Variants in ASXL3 observed in about 807,000 individuals in gnomAD.
ASXL3 encodes the protein ASXL transcriptional regulator 3, also known as putative Polycomb group protein ASXL3.
Under a neutral mutation model 170.6 loss-of-function variants are expected in ASXL3, and 34 were observed. That is an observed-to-expected ratio of 0.20 (90% confidence interval 0.15 to 0.27). ASXL3 has a LOEUF of 0.27. Ranked by LOEUF, ASXL3 falls within the 10% of genes least tolerant of loss-of-function variation. ASXL3 has a pLI of 1.00. For synonymous variants in ASXL3, 1,002 were observed against 989.1 expected, an observed-to-expected ratio of 1.01 and a Z score of -0.24; for missense variants, 2,592 against 2,695.3, an observed-to-expected ratio of 0.96 and a Z score of 0.85.
chr18:33,744,466 A>G lies in ASXL3; in HGVS notation c.4618A>G (p.Ile1540Val), dbSNP rs777238321. 2.5e-6 allele frequency: 4 copies of G among 1,613,420 alleles called. No homozygotes were observed. Among genetic ancestry groups the G allele is most frequent in the East Asian group, 2.2e-5 (1 of 44,852 alleles). ...AGGTATAGATCACAGTTCCACTTTC[A>G]TTGCTGCTTCGGCAGCAAAACAAGA... Reference protein sequence around the residue: ...NEGIDHSSTFIAASAAKQDSK... With the variant: ...NEGIDHSSTFVAASAAKQDSK... The change falls in exon 12 of 12, where the codon ATT becomes GTT. Residue 1540 changes from isoleucine (I) to valine (V), a missense_variant. This residue lies in a region of ASXL3 where 2,246 missense variants were observed against 2,219.6 expected (regional missense o/e 1.01). Transcript: ENST00000269197.
chr18:33,606,658 G>A (rs527523904), intron 1 of ASXL3, among the ~76,000 whole-genome samples: 3 of 152,012 alleles, frequency 2.0e-5, no homozygotes, highest in Admixed American at 1.3e-4. Flanking sequence ...GTTACAAGAG[G>A]CCATGACTTG....
chr18:33,710,291 G>C (rs1222748730), intron 8 of ASXL3, among the ~76,000 whole-genome samples: 1 of 152,014 alleles, frequency 6.6e-6, no homozygotes, highest in African/African-American at 2.4e-5. Context: ...AAACTGACTG[G>C]TGGTCATTGA....
Position 33,745,170 on chromosome 18 carries a change from A to G in ASXL3, c.5322A>G (p.Glu1774=), listed in dbSNP as rs769506474. 2 of 1,613,998 alleles carry G rather than the reference A, an allele frequency of 1.2e-6. No homozygotes were observed. Among genetic ancestry groups the G allele is most frequent in the Non-Finnish European group, 1.7e-6 (2 of 1,179,894 alleles). Residue 1774 remains glutamate (E), a synonymous_variant, in exon 12 of 12, where the codon GAA becomes GAG. Coordinates refer to ENST00000269197, the MANE Select transcript of ASXL3 (RefSeq NM_030632.3). The part of the protein sequence containing the change: ...LPQPRLGAKL[E]INRLPLPLQT... ...AGCCCAGATTGGGAGCCAAGCTTGA[A>G]ATCAACAGGCTTCCATTGCCTCTTC...
intron 7 of ASXL3, 90 bp from the exon 8 acceptor site, chr18:33,683,315 A>G: frequency 8.9e-7 from 1 of 1,125,770 alleles, no homozygotes; most frequent in Non-Finnish European, 1.2e-6. Flanking sequence ...ATACATGTTC[A>G]CTAGATATAT....
chr18:33,733,398 T>A (rs1393591469), intron 9 of ASXL3, among the ~76,000 whole-genome samples: 1 of 152,220 alleles, frequency 6.6e-6, no homozygotes, highest in East Asian at 1.9e-4. Context: ...ACCTTACTGA[T>A]GTCTTTGACC....
intron 5 of ASXL3, among the ~76,000 whole-genome samples, chr18:33,668,278 A>G (rs2066289266): frequency 6.6e-6 from 1 of 152,030 alleles, no homozygotes; most frequent in Non-Finnish European, 1.5e-5. Context: ...ACAAAAAAAT[A>G]TTAGCCAGGG....
In ASXL3 at chr18:33,750,093, A is replaced by T. The variant is rs2067860939; in HGVS notation, c.*3498A>T. 1 of 152,320 alleles carries T rather than the reference A, an allele frequency of 6.6e-6. No homozygotes were observed. The highest frequency in any genetic ancestry group is 2.4e-5 in the African/African-American group (1 of 41,458). The allele number at this position is 152,320 out of a possible 1,614,324, so 9.4% of individuals were successfully genotyped here. ...TCTGTACGGTGGTGAGGCCCAGCAC[A>T]GCGGTAGCTGCCTAGTGGGAATGAC... On this transcript the variant is annotated 3_prime_UTR_variant, in exon 12 of 12. Transcript: ENST00000269197.
chr18:33,677,936 C>A (rs1244197936), intron 7 of ASXL3, among the ~76,000 whole-genome samples: 1 of 152,270 alleles, frequency 6.6e-6, no homozygotes, highest in African/African-American at 2.4e-5. Flanking sequence ...TTTGTGTAAG[C>A]TGAAGTGCAG....
Position 33,740,254 on chromosome 18 carries a change from T to G in ASXL3, c.2850T>G (p.Asp950Glu). ...CATCAGAGCCCTCCAAGTCACCTGA[T>G]GGGATAAGAAATGAAAGTAGAGATT... ...SKSSEPSKSP[D>E]GIRNESRDSE... The change falls in exon 11 of 12, where the codon GAT becomes GAG. Residue 950 changes from aspartate to glutamate, a missense_variant. By Grantham distance (45) the Asp-to-Glu change is conservative. This residue lies in a region of ASXL3 where 2,246 missense variants were observed against 2,219.6 expected (regional missense o/e 1.01). Transcript: ENST00000269197. 6.2e-7 allele frequency: 1 copy of G among 1,613,496 alleles called. No individual in the cohort carries two copies. Among genetic ancestry groups the G allele is most frequent in the Non-Finnish European group, 8.5e-7 (1 of 1,179,724 alleles).
chr18:33,744,610 C>T lies in ASXL3; in HGVS notation c.4762C>T (p.Pro1588Ser). The change falls in exon 12 of 12, where the codon CCT becomes TCT. Residue 1588 changes from proline (P) to serine (S), a missense_variant. This residue lies in a region of ASXL3 where 2,246 missense variants were observed against 2,219.6 expected (regional missense o/e 1.01). Transcript: ENST00000269197. Reference sequence around the variant, plus strand: ...TGCTGAGCAGGCACGTGGCCCAGCTCCTTTCAAAAGTGAAGCAGACACAAC... The same window carrying T: ...TGCTGAGCAGGCACGTGGCCCAGCTTCTTTCAAAAGTGAAGCAGACACAAC... ...NFAEQARGPA[P>S]FKSEADTTCS... The T allele has an allele frequency of 6.2e-7, 1 of 1,608,230 alleles. No individual in the cohort carries two copies. Among genetic ancestry groups the T allele is most frequent in the Non-Finnish European group, 8.5e-7 (1 of 1,177,034 alleles).
chr18:33,594,799 T>G (rs1342926487), intron 1 of ASXL3, among the ~76,000 whole-genome samples: 1 of 152,132 alleles, frequency 6.6e-6, no homozygotes, highest in African/African-American at 2.4e-5. Context: ...TCTCTCATAC[T>G]CCTGACCTCA....
chr18:33,710,458 A>G (rs1437463030), intron 8 of ASXL3, among the ~76,000 whole-genome samples: 2 of 152,320 alleles, frequency 1.3e-5, no homozygotes, highest in East Asian at 3.9e-4. Flanking sequence ...TCATTTTTCC[A>G]TTTGAGTTTT....
rs764927237 is a variant in ASXL3 at position 33,612,916 on chromosome 18, T to G, written c.137+5240T>G. Among the ~76,000 whole-genome samples, 30 of 152,268 alleles carry G rather than the reference T, an allele frequency of 2.0e-4. No individual in the cohort carries two copies. The Middle Eastern group carries it at 0.02, about 104-fold the overall frequency. On this transcript the variant is annotated intron_variant, in intron 2 of 11. Coordinates refer to ENST00000269197, the MANE Select transcript of ASXL3 (RefSeq NM_030632.3). ...TCTAGTTTGTTTGTGTTGGGCATTT[T>G]AGAATTACAGTGTTAGCTCACAGTG...
chr18:33,686,282 CAG>C (rs1458666851), intron 8 of ASXL3, among the ~76,000 whole-genome samples: 2 of 152,138 alleles, frequency 1.3e-5, no homozygotes, highest in Admixed American at 6.6e-5. Flanking sequence ...GGAAGAATAA[CAG>C]AAGGGAGAAA....
chr18:33,727,533 T>C (rs1164944799), intron 8 of ASXL3, among the ~76,000 whole-genome samples: 1 of 152,120 alleles, frequency 6.6e-6, no homozygotes, highest in Admixed American at 6.5e-5. Context: ...TGTGAGTAAG[T>C]TTTCTTTATT....
intron 8 of ASXL3, among the ~76,000 whole-genome samples, chr18:33,687,655 A>G (rs1305798963): frequency 2.6e-5 from 4 of 152,188 alleles, no homozygotes; most frequent in Admixed American, 1.3e-4. Context: ...CTGTTAAGGC[A>G]ATCTTTTTGG....
At chr18:33,695,691 A>G (rs1352643595) in intron 8 of ASXL3, among the ~76,000 whole-genome samples, 1 of 152,134 alleles carries the variant, frequency 6.6e-6, no homozygotes, top group Non-Finnish European at 1.5e-5. Flanking sequence ...CAGTTAATAG[A>G]GAAACACAAA....
chr18:33,671,560 T>C (rs2066341980), intron 6 of ASXL3, among the ~76,000 whole-genome samples, 187 bp from the exon 7 acceptor site: 1 of 152,182 alleles, frequency 6.6e-6, no homozygotes. Flanking sequence ...TTCTTGCTTT[T>C]TGTTCTGTTT....
At chr18:33,706,837 A>G (rs949854279) in intron 8 of ASXL3, among the ~76,000 whole-genome samples, 1 of 151,832 alleles carries the variant, frequency 6.6e-6, no homozygotes. Context: ...ATGTACTCCA[A>G]TTTGCTTATT....
Sources: allele counts gnomAD v4.1 joint callset (sites outside exome capture counted in the v4.1 genomes callset), GRCh38; gene constraint gnomAD v4.1.1; regional missense constraint gnomAD v4.1.1; transcripts MANE v1.5; gene names NCBI Gene and HGNC (gene_info 2026-07-23, HGNC 2026-07-21).